GALK2: variants seen among roughly 807,000 people sequenced by gnomAD.
GALK2 encodes N-acetylgalactosamine kinase.
GALK2 carries 36 observed loss-of-function variants against 52.4 expected under a neutral mutation model. The observed-to-expected ratio is 0.69, with a 90% CI of 0.53 to 0.91. The LOEUF is 0.91. Ranked by LOEUF, GALK2 falls within the 40% of genes least tolerant of loss-of-function variation. The pLI, the probability that GALK2 is intolerant of heterozygous loss-of-function variation, is 0.00. For missense variants in GALK2, 579 were observed against 559.1 expected, an observed-to-expected ratio of 1.04 and a Z score of -0.36; for synonymous variants, 176 against 199.1, an observed-to-expected ratio of 0.88 and a Z score of 0.98.
At chr15:49,319,489 T>C in intron 8 of GALK2, 115 bp from the exon 9 acceptor site, 1 of 809,148 alleles carries the variant, frequency 1.2e-6, no homozygotes, top group South Asian at 1.8e-5. Flanking sequence ...CCTATTGAAG[T>C]TTAAGATACT....
intron 1 of GALK2, among the ~76,000 whole-genome samples, chr15:49,180,663 T>C (rs2085887556): frequency 6.6e-6 from 1 of 152,204 alleles, no homozygotes; most frequent in African/African-American, 2.4e-5. Flanking sequence ...TGAGACTTGA[T>C]ATCCTCCAAC....
intron 3 of GALK2, among the ~76,000 whole-genome samples, chr15:49,221,482 A>G (rs2089787557): frequency 1.3e-5 from 2 of 152,006 alleles, no homozygotes; most frequent in African/African-American, 4.8e-5. Context: ...CCTGGCCAAC[A>G]TGATGAAGCC....
chr15:49,280,745 A>C (rs2032566454), intron 5 of GALK2, among the ~76,000 whole-genome samples: 1 of 152,222 alleles, frequency 6.6e-6, no homozygotes, highest in Non-Finnish European at 1.5e-5. Context: ...GTATTAGACG[A>C]TACTAACTTA....
At chr15:49,183,721 T>C (rs942101723) in intron 1 of GALK2, among the ~76,000 whole-genome samples, 14 of 151,942 alleles carry the variant, frequency 9.2e-5, no homozygotes, top group African/African-American at 3.4e-4. Flanking sequence ...CACATGCCTG[T>C]AATCCCAGCT....
At chr15:49,294,478 G>A (rs1293029799) in intron 8 of GALK2, among the ~76,000 whole-genome samples, 1 of 152,196 alleles carries the variant, frequency 6.6e-6, no homozygotes, top group Non-Finnish European at 1.5e-5. Context: ...TGTGTGTGTT[G>A]TATAGGTAAT....
chr15:49,157,500 T>C (rs965300797), intron 1 of GALK2, among the ~76,000 whole-genome samples: 4 of 152,234 alleles, frequency 2.6e-5, no homozygotes, highest in Non-Finnish European at 4.4e-5. Context: ...TTACGAAATG[T>C]TGGGAATTTC....
chr15:49,222,085 AGT>A (rs1440132528), intron 3 of GALK2, among the ~76,000 whole-genome samples: 1 of 151,916 alleles, frequency 6.6e-6, no homozygotes, highest in Non-Finnish European at 1.5e-5. Context: ...TTCATTCATC[AGT>A]GTTTTCTAGT....
At position 49,234,989 on chromosome 15, in the gene GALK2, A is replaced by C. The variant is rs944233908; in HGVS notation, c.267-862A>C. Among the ~76,000 whole-genome samples the C allele has an allele frequency of 2.0e-5, 3 of 151,870 alleles. No homozygotes were observed. In the East Asian group the frequency reaches 5.8e-4, roughly 29 times the overall value. The stretch of plus-strand genomic sequence containing the variant: ...ACCATATTGGCCAGGCTTGTCTCGA[A>C]CTCCTGAACTTGTGATCCGCCTGCC... On this transcript the variant is annotated intron_variant, in intron 3 of 9. Transcript: ENST00000560031.
At position 49,261,647 on chromosome 15, in the gene GALK2, C is replaced by G. The variant is rs1243177528; in HGVS notation, c.505-20340C>G. Reference sequence around the variant, plus strand: ...GAGAGGGCATCCCTGTCTTGTGCCACTTTTCAAAGGGAATGCTTCCAGTTT... The same window carrying G: ...GAGAGGGCATCCCTGTCTTGTGCCAGTTTTCAAAGGGAATGCTTCCAGTTT... On this transcript the variant is annotated intron_variant, in intron 5 of 9. Coordinates refer to ENST00000560031, the MANE Select transcript of GALK2 (RefSeq NM_002044.4). 1.5e-4 allele frequency among the ~76,000 whole-genome samples: 22 copies of G among 151,548 alleles called. No individual in the cohort carries two copies. In the South Asian group the frequency reaches 2.9e-3, roughly 20 times the overall value.
intron 8 of GALK2, among the ~76,000 whole-genome samples, chr15:49,316,089 TA>T (rs1386027283): frequency 1.3e-5 from 2 of 152,166 alleles, no homozygotes; most frequent in Non-Finnish European, 2.9e-5. Flanking sequence ...CAAAAATCAC[TA>T]AACTACTAAA....
chr15:49,198,339 A>T (rs1406537132), intron 1 of GALK2, among the ~76,000 whole-genome samples: 2 of 152,226 alleles, frequency 1.3e-5, no homozygotes, highest in East Asian at 3.8e-4. Flanking sequence ...CCCAGGAACT[A>T]AGATACAATC....
At chr15:49,338,425 C>A (rs2040141907) in intron 3 of GALK2, among the ~76,000 whole-genome samples, 1 of 152,176 alleles carries the variant, frequency 6.6e-6, no homozygotes, top group South Asian at 2.1e-4. Context: ...GTTGAAAATT[C>A]TTTTCTTTAA....
At chr15:49,321,586 T>C (rs1259961327) in intron 9 of GALK2, among the ~76,000 whole-genome samples, 1 of 152,182 alleles carries the variant, frequency 6.6e-6, no homozygotes, top group Non-Finnish European at 1.5e-5. Flanking sequence ...TTCACCACTG[T>C]AGGTAAGAGT....
At chr15:49,239,471 T>C in intron 5 of GALK2, 104 bp downstream of exon 5, 8 of 1,068,396 alleles carry the variant, frequency 7.5e-6, no homozygotes, top group Non-Finnish European at 9.7e-6. Context: ...CTGTCTTCTC[T>C]AAAAGGACTG....
At chr15:49,165,438 T>C (rs891969677), upstream of GALK2, among the ~76,000 whole-genome samples, 3 of 152,202 alleles carry the variant, frequency 2.0e-5, no homozygotes, top group African/African-American at 7.2e-5. Flanking sequence ...AAACATTCCT[T>C]GAGTGCCTGC....
At chr15:49,322,977 GAAAA>G (rs1291134709) in intron 9 of GALK2, among the ~76,000 whole-genome samples, 1 of 123,146 alleles carries the variant, frequency 8.1e-6, no homozygotes, top group African/African-American at 3.0e-5. Context: ...AAAAAAAAAA[GAAAA>G]AAAAAAAAAG....
intron 1 of GALK2, among the ~76,000 whole-genome samples, chr15:49,176,347 T>A (rs2085456705): frequency 6.6e-6 from 1 of 152,208 alleles, no homozygotes; most frequent in African/African-American, 2.4e-5. Context: ...TTTTTTTCCT[T>A]TAAAAACCAC....
intron 5 of GALK2, among the ~76,000 whole-genome samples, chr15:49,239,885 A>C (rs555430637): frequency 6.6e-6 from 1 of 152,254 alleles, no homozygotes; most frequent in African/African-American, 2.4e-5. Context: ...CCTCAAGTTT[A>C]TAAGTTCACA....
intron 3 of GALK2, among the ~76,000 whole-genome samples, chr15:49,366,978 TTTTAA>T (rs1325048645): frequency 1.3e-5 from 2 of 152,174 alleles, no homozygotes; most frequent in Admixed American, 6.5e-5. Context: ...AGAGCTCCGA[TTTTAA>T]TTTATTTTTT....
Sources: gnomAD v4.1 joint callset for allele counts (sites outside exome capture counted in the v4.1 genomes callset) on GRCh38, gnomAD v4.1.1 for gene constraint, MANE v1.5 for transcripts, NCBI Gene and HGNC (gene_info 2026-07-23, HGNC 2026-07-21) for gene names.